GRID2: variants seen among roughly 807,000 people sequenced by gnomAD.
The protein encoded by GRID2 is glutamate receptor ionotropic, delta-2.
GRID2 carries 33 observed loss-of-function variants against 114.8 expected under a neutral mutation model. That is an observed-to-expected ratio of 0.29 (90% CI 0.22 to 0.38). GRID2 has a LOEUF of 0.38. Ranked by LOEUF, GRID2 falls within the 10% of genes least tolerant of loss-of-function variation. The pLI is 1.00. For synonymous variants in GRID2, 505 were observed against 449.9 expected, an observed-to-expected ratio of 1.12 and a Z score of -1.55; for missense variants, 1,184 against 1,257.7, an observed-to-expected ratio of 0.94 and a Z score of 0.89.
intron 2 of GRID2, among the ~76,000 whole-genome samples, chr4:92,878,676 T>C (rs946099810): frequency 9.2e-5 from 14 of 152,166 alleles, no homozygotes; most frequent in African/African-American, 3.4e-4. Context: ...TTTTTCTTTT[T>C]ATATTCATGT....
At chr4:92,346,358 G>C (rs1001471731) in intron 1 of GRID2, among the ~76,000 whole-genome samples, 2 of 151,988 alleles carry the variant, frequency 1.3e-5, no homozygotes, top group Non-Finnish European at 2.9e-5. Context: ...TTTATTTTCT[G>C]AACTTTTTTT....
intron 2 of GRID2, among the ~76,000 whole-genome samples, chr4:92,787,282 G>A (rs1241002595): frequency 1.3e-5 from 2 of 151,866 alleles, no homozygotes; most frequent in African/African-American, 2.4e-5. Context: ...ATAAAAAGGT[G>A]TAATTACATT....
At chr4:93,443,908 A>G (rs954600882) in intron 10 of GRID2, among the ~76,000 whole-genome samples, 1 of 151,564 alleles carries the variant, frequency 6.6e-6, no homozygotes, top group African/African-American at 2.4e-5. Flanking sequence ...GTTGAGAGAG[A>G]GAGAGAGACA....
In GRID2 at chr4:92,834,420, A is replaced by AGTG. The variant is rs776036325; in HGVS notation, c.244+244136_244+244138dup. On this transcript the variant is annotated intron_variant, in intron 2 of 15. Transcript: ENST00000282020. ...TGTTGTTGTCATTTGGCATTATAAC[A>AGTG]GTGGAATATTGTCTATAGGTGATCT... Among the ~76,000 whole-genome samples the AGTG allele has an allele frequency of 2.3e-4, 35 of 152,276 alleles. 1 individual carries two copies. The East Asian group carries it at 5.6e-3, about 24-fold the overall frequency.
chr4:92,777,299 C>A (rs894884661), intron 2 of GRID2, among the ~76,000 whole-genome samples: 2 of 151,884 alleles, frequency 1.3e-5, no homozygotes, highest in African/African-American at 4.8e-5. Context: ...TGTAATTTTT[C>A]TCCCCTTTTA....
chr4:93,767,120 A>T (rs1733736468), intron 14 of GRID2, among the ~76,000 whole-genome samples: 1 of 152,176 alleles, frequency 6.6e-6, no homozygotes, highest in Admixed American at 6.6e-5. Flanking sequence ...GTTACTTGGA[A>T]AGCAAAATGA....
At chr4:93,217,075 G>T in intron 6 of GRID2, 164 bp downstream of exon 6, 1 of 466,244 alleles carries the variant, frequency 2.1e-6, no homozygotes, top group Non-Finnish European at 3.8e-6. Flanking sequence ...AAGAATTTGC[G>T]TCTTTGTTCT....
chr4:92,711,649 T>C (rs1445370923), intron 2 of GRID2, among the ~76,000 whole-genome samples: 2 of 152,164 alleles, frequency 1.3e-5, no homozygotes, highest in Non-Finnish European at 2.9e-5. Flanking sequence ...ACGCCTGTAA[T>C]CCAAGCACTT....
At chr4:92,812,794 A>G (rs1254578001) in intron 2 of GRID2, among the ~76,000 whole-genome samples, 1 of 152,124 alleles carries the variant, frequency 6.6e-6, no homozygotes, top group East Asian at 1.9e-4. Context: ...ATTCAGTCCA[A>G]TAACTCGTTG....
chr4:92,619,868 A>T (rs550275196), intron 2 of GRID2, among the ~76,000 whole-genome samples: 3 of 151,258 alleles, frequency 2.0e-5, no homozygotes, highest in African/African-American at 4.8e-5. Flanking sequence ...TGAGCTCCTT[A>T]TTTGGCCATT....
intron 2 of GRID2, among the ~76,000 whole-genome samples, chr4:93,023,108 T>C (rs1174835845): frequency 6.6e-6 from 1 of 151,016 alleles, no homozygotes; most frequent in Non-Finnish European, 1.5e-5. Flanking sequence ...TGTGTGTGTG[T>C]GTGTGTGTGT....
intron 2 of GRID2, among the ~76,000 whole-genome samples, chr4:92,928,057 T>C (rs1749957767): frequency 6.6e-6 from 1 of 151,656 alleles, no homozygotes; most frequent in Non-Finnish European, 1.5e-5. Flanking sequence ...CTTTGAAAAC[T>C]TAATCCAGAC....
chr4:93,218,261 G>T (rs1184248862), intron 6 of GRID2, among the ~76,000 whole-genome samples: 2 of 151,902 alleles, frequency 1.3e-5, no homozygotes, highest in Non-Finnish European at 2.9e-5. Flanking sequence ...AGCAATCTGG[G>T]AGGTCAAGGG....
chr4:92,348,673 G>T (rs766692930), intron 1 of GRID2, among the ~76,000 whole-genome samples: 2 of 152,104 alleles, frequency 1.3e-5, no homozygotes, highest in Non-Finnish European at 2.9e-5. Flanking sequence ...GCATTGCAAA[G>T]GATCTTTCCT....
intron 2 of GRID2, among the ~76,000 whole-genome samples, chr4:92,990,745 G>A (rs1228679274): frequency 6.6e-6 from 1 of 151,992 alleles, no homozygotes; most frequent in East Asian, 1.9e-4. Context: ...CACAGACACA[G>A]AGACCTAAAT....
At chr4:93,207,281 T>C (rs1560986298) in intron 4 of GRID2, 123 bp from the exon 5 acceptor site, 2 of 746,982 alleles carry the variant, frequency 2.7e-6, no homozygotes, top group Non-Finnish European at 4.9e-6. Flanking sequence ...CCATCTTCAA[T>C]TGAGTAACAA....
intron 2 of GRID2, among the ~76,000 whole-genome samples, chr4:92,802,260 GCA>G (rs1740208315): frequency 6.6e-6 from 1 of 151,816 alleles, no homozygotes; most frequent in Non-Finnish European, 1.5e-5. Flanking sequence ...CAAGAATGGT[GCA>G]TTTGTTAAAA....
intron 2 of GRID2, among the ~76,000 whole-genome samples, chr4:93,076,929 A>G (rs1052052276): frequency 1.3e-5 from 2 of 152,148 alleles, no homozygotes; most frequent in African/African-American, 2.4e-5. Flanking sequence ...CTAAGATCCC[A>G]TATTTCATTA....
chr4:93,626,487 A>G (rs1560836032), intron 14 of GRID2, 52 bp downstream of exon 14: 3 of 1,214,582 alleles, frequency 2.5e-6, no homozygotes, highest in South Asian at 1.4e-5. Flanking sequence ...TAGACAAAGA[A>G]TATCCATTTG....
Sources: gnomAD v4.1 joint callset for allele counts (sites outside exome capture counted in the v4.1 genomes callset) on GRCh38, gnomAD v4.1.1 for gene constraint, MANE v1.5 for transcripts, NCBI Gene and HGNC (gene_info 2026-07-23, HGNC 2026-07-21) for gene names.